Variants in FAM120A observed in about 807,000 individuals in gnomAD.
The protein encoded by FAM120A is family with sequence similarity 120 member A, also known as constitutive coactivator of PPAR-gamma-like protein 1.
FAM120A carries 15 observed loss-of-function variants against 109.7 expected under a neutral mutation model. That is an observed-to-expected ratio of 0.14 (90% CI 0.09 to 0.21). The LOEUF is 0.21. Ranked by LOEUF, FAM120A falls within the 10% of genes least tolerant of loss-of-function variation. The pLI is 1.00. For synonymous variants in FAM120A, 493 were observed against 572.8 expected, an observed-to-expected ratio of 0.86 and a Z score of 1.99; for missense variants, 899 against 1,439.3, an observed-to-expected ratio of 0.62 and a Z score of 6.07.
chr9:93,547,002 A>G (rs1049422558), intron 11 of FAM120A, among the ~76,000 whole-genome samples: 1 of 152,218 alleles, frequency 6.6e-6, no homozygotes. Flanking sequence ...TTGGGCATAC[A>G]TATATTTTAA....
intron 1 of FAM120A, among the ~76,000 whole-genome samples, chr9:93,455,155 G>A (rs1857496803): frequency 1.3e-5 from 2 of 152,164 alleles, no homozygotes; most frequent in South Asian, 4.1e-4. Flanking sequence ...TAAGTGAATG[G>A]TTAAACTACA....
chr9:93,506,827 A>T (rs1860082862), intron 5 of FAM120A, among the ~76,000 whole-genome samples: 1 of 151,862 alleles, frequency 6.6e-6, no homozygotes, highest in Non-Finnish European at 1.5e-5. Context: ...CGAACTCCTG[A>T]CCTCATGATC....
rs1453980395 is a variant in FAM120A at position 93,565,884 on chromosome 9, C to CATCA, written c.*1345_*1348dup. On this transcript the variant is annotated 3_prime_UTR_variant, in exon 18 of 18. Coordinates refer to ENST00000277165, the MANE Select transcript of FAM120A (RefSeq NM_014612.5). ...GTTTTCATATACTTCTGATGCTCTT[C>CATCA]ATCACATTAGTGATCAGAAATGAGG... 1 of 152,610 alleles carries CATCA rather than the reference C, an allele frequency of 6.6e-6. No individual in the cohort carries two copies. The highest frequency in any genetic ancestry group is 1.5e-5 in the Non-Finnish European group (1 of 68,040). 9.5% of individuals were successfully genotyped at this position (152,610 alleles called of 1,614,324 possible). A position where few individuals can be genotyped will look rare whatever the true frequency, so the allele number is the denominator to read the frequency against.
At chr9:93,479,126 T>G (rs1858685650) in intron 3 of FAM120A, among the ~76,000 whole-genome samples, 1 of 134,206 alleles carries the variant, frequency 7.5e-6, no homozygotes, top group Admixed American at 8.4e-5. Flanking sequence ...TGAGACGGAG[T>G]CTCGCTCTGT....
chr9:93,453,541 T>C, intron 1 of FAM120A: 1 of 985,444 alleles, frequency 1.0e-6, no homozygotes, highest in Non-Finnish European at 1.2e-6. Flanking sequence ...GTCTTCGCGG[T>C]TGCCCCCACT....
chr9:93,522,160 C>T (rs1177010455), intron 7 of FAM120A, among the ~76,000 whole-genome samples: 1 of 152,204 alleles, frequency 6.6e-6, no homozygotes, highest in South Asian at 2.1e-4. Flanking sequence ...TTCATTTGGA[C>T]TTGCAGAATC....
intron 1 of FAM120A, among the ~76,000 whole-genome samples, chr9:93,455,726 G>A (rs1249594958): frequency 6.6e-6 from 1 of 151,666 alleles, no homozygotes; most frequent in African/African-American, 2.4e-5. Context: ...GCAGTGGCGC[G>A]ATCTCGGCTC....
At chr9:93,534,465 C>T in intron 10 of FAM120A, among the ~76,000 whole-genome samples, 1 of 151,930 alleles carries the variant, frequency 6.6e-6, no homozygotes, top group East Asian at 1.9e-4. Context: ...AATGGGGGTG[C>T]CATTGATGTA....
chr9:93,486,509 T>C lies in FAM120A; in HGVS notation c.804+10171T>C, dbSNP rs540558949. ...GTAGTAGGTCTATGCTTAGATATTTTTTTCTTTCTTTTTCTTTTCTTTTTT... is the reference window on the plus strand; with the variant it reads ...GTAGTAGGTCTATGCTTAGATATTTCTTTCTTTCTTTTTCTTTTCTTTTTT... On this transcript the variant is annotated intron_variant, in intron 3 of 17. Transcript: ENST00000277165. 2.8e-3 allele frequency among the ~76,000 whole-genome samples: 426 copies of C among 151,996 alleles called. 4 individuals carry two copies. The highest frequency in any genetic ancestry group is 6.0e-3 in the Admixed American group (91 of 15,266).
rs1857240710 is a variant in FAM120A, at chr9:93,451,883, G to GCCCGCA, written c.-27_-22dup. Reference sequence around the variant, plus strand: ...ACCACCCCCGGCCCCGCCGCCCCCCGCCCGCACCCGCGCCCGCGCCCCCGC... The same window carrying GCCCGCA: ...ACCACCCCCGGCCCCGCCGCCCCCCGCCCGCACCCGCACCCGCGCCCGCGCCCCCGC... On this transcript the variant is annotated 5_prime_UTR_variant, in exon 1 of 18. Transcript: ENST00000277165. The GCCCGCA allele has an allele frequency of 8.4e-6, 6 of 712,198 alleles. No individual in the cohort carries two copies. Among genetic ancestry groups the GCCCGCA allele is most frequent in the South Asian group, 5.1e-5 (1 of 19,522 alleles). 44.1% of individuals were successfully genotyped at this position (712,198 alleles called of 1,614,324 possible). A position where few individuals can be genotyped will look rare whatever the true frequency, so the allele number is the denominator to read the frequency against.
chr9:93,457,672 A>C (rs1857610509), intron 1 of FAM120A, among the ~76,000 whole-genome samples: 1 of 152,188 alleles, frequency 6.6e-6, no homozygotes, highest in South Asian at 2.1e-4. Context: ...TTTTTAAAAA[A>C]ATTATTCCAT....
intron 3 of FAM120A, among the ~76,000 whole-genome samples, chr9:93,492,092 C>T (rs1303900772): frequency 1.3e-5 from 2 of 151,962 alleles, no homozygotes; most frequent in Non-Finnish European, 2.9e-5. Context: ...CATGGACAAA[C>T]AAGTCTTGAT....
rs1238318859 is a variant in FAM120A at position 93,500,257 on chromosome 9, T to C, written c.1030+1371T>C. Among the ~76,000 whole-genome samples the C allele has an allele frequency of 6.6e-6, 1 of 152,248 alleles. No individual in the cohort carries two copies. The highest frequency in any genetic ancestry group is 6.5e-5 in the Admixed American group (1 of 15,286). ...CACTTGGAATAAATTCCCAACTACT[T>C]ACCTTGCTTCCTCCCCATCATCTGA... is the stretch of plus-strand genomic sequence containing the variant. On this transcript the variant is annotated intron_variant, in intron 5 of 17. Transcript: ENST00000277165. This position sits in a 1 kb window ranked among gnomAD's most constrained non-coding sequence, Gnocchi z 4.6.
chr9:93,477,047 G>A (rs746394827), intron 3 of FAM120A, among the ~76,000 whole-genome samples: 9 of 152,142 alleles, frequency 5.9e-5, no homozygotes, highest in Non-Finnish European at 8.8e-5. Context: ...TGCCTTTCTT[G>A]ACTTGGGGAA....
chr9:93,517,775 G>T (rs1380721234), intron 7 of FAM120A, among the ~76,000 whole-genome samples: 3 of 152,182 alleles, frequency 2.0e-5, no homozygotes, highest in Non-Finnish European at 4.4e-5. Context: ...CAGTTGAGGT[G>T]CTTGTTCCTC....
In FAM120A at chr9:93,452,693, T is replaced by G; in HGVS notation, c.474+304T>G. ...GGCGACAGTGTCATCATCCCCAATA[T>G]CCTTAGTTTTTCCCATCCTATTTGA... On this transcript the variant is annotated intron_variant, in intron 1 of 17. Coordinates refer to ENST00000277165, the MANE Select transcript of FAM120A (RefSeq NM_014612.5). This position sits in a 1 kb window ranked among gnomAD's most constrained non-coding sequence, Gnocchi z 7.0. 6.3e-7 allele frequency: 1 copy of G among 1,598,552 alleles called. No homozygotes were observed. Among genetic ancestry groups the G allele is most frequent in the Middle Eastern group, 1.7e-4 (1 of 6,058 alleles).
chr9:93,521,810 G>A (rs1241980912), intron 7 of FAM120A, among the ~76,000 whole-genome samples: 2 of 152,142 alleles, frequency 1.3e-5, no homozygotes, highest in African/African-American at 4.8e-5. Context: ...AGTTGAGGCC[G>A]GGTGCAATGG....
intron 10 of FAM120A, among the ~76,000 whole-genome samples, chr9:93,542,494 A>G (rs1320826881): frequency 1.3e-5 from 2 of 152,264 alleles, no homozygotes; most frequent in Non-Finnish European, 2.9e-5. Flanking sequence ...TTGATTGACT[A>G]ATAGTGAAAC....
At chr9:93,556,815 C>T (rs1862298835) in intron 13 of FAM120A, among the ~76,000 whole-genome samples, 1 of 152,138 alleles carries the variant, frequency 6.6e-6, no homozygotes, top group Non-Finnish European at 1.5e-5. Context: ...TTCTAAAATT[C>T]ACCTTGAACG....
Sources: allele counts gnomAD v4.1 joint callset (sites outside exome capture counted in the v4.1 genomes callset), GRCh38; gene constraint gnomAD v4.1.1; non-coding constraint Gnocchi (gnomAD v3.1); transcripts MANE v1.5; gene names NCBI Gene and HGNC (gene_info 2026-07-23, HGNC 2026-07-21).